Variants in DDX18 observed in about 807,000 individuals in gnomAD.
DDX18 encodes the protein DEAD-box helicase 18.
DDX18 carries 23 observed loss-of-function variants against 73.5 expected under a neutral mutation model. The ratio of observed to expected loss-of-function variants is 0.31; its 90% confidence interval spans 0.23 to 0.44. DDX18 has a LOEUF of 0.44. Among genes scored for constraint, DDX18 ranks in the 20% least tolerant of loss-of-function variants. The pLI is 1.00. For missense variants in DDX18, 753 were observed against 792.9 expected (o/e 0.95, Z 0.60); for synonymous variants, 268 against 282.7 (o/e 0.95, Z 0.52).
In DDX18 at chr2:117,830,531, G is replaced by C. The variant is rs997163391; in HGVS notation, c.1871-51G>C. ...GGTTTTTTTCTCTGTGTAGATGTTA[G>C]ATTGGAGTTCATTATCTTTTTTGCT... On this transcript the variant is annotated intron_variant, in intron 13 of 13. Coordinates refer to ENST00000263239, the MANE Select transcript of DDX18 (RefSeq NM_006773.4). The C allele has an allele frequency of 7.5e-6, 12 of 1,597,590 alleles. No individual in the cohort carries two copies. In the African/African-American group the frequency reaches 1.6e-4, roughly 22 times the overall value.
intron 12 of DDX18, 141 bp downstream of exon 12, chr2:117,829,146 C>T: frequency 3.5e-6 from 4 of 1,134,966 alleles, no homozygotes; most frequent in Non-Finnish European, 5.0e-6. Context: ...TATAAGGTTT[C>T]TTGCTATTCT....
At chr2:117,826,023 T>TCATGTCC in intron 10 of DDX18, 1 of 402,652 alleles carries the variant, frequency 2.5e-6, no homozygotes, top group Non-Finnish European at 4.4e-6. Flanking sequence ...AATGCAAACA[T>TCATGTCC]CATGTCCAGC....
chr2:117,822,698 A>G (rs1679867829), intron 7 of DDX18: 1 of 160,286 alleles, frequency 6.2e-6, no homozygotes, highest in African/African-American at 2.4e-5. Context: ...TTTATAATGT[A>G]CAATTTGATG....
Position 117,822,024 on chromosome 2 carries a change from T to C in DDX18, c.914T>C (p.Ile305Thr), listed in dbSNP as rs770462842. The C allele has an allele frequency of 1.2e-5, 20 of 1,613,852 alleles. No homozygotes were observed. The highest frequency in any genetic ancestry group is 9.9e-5 in the South Asian group (9 of 91,080). The part of the protein sequence containing the change: ...AQKLGNGINI[I>T]VATPGRLLDH... The stretch of plus-strand genomic sequence containing the variant: ...AAACTTGGTAATGGGATCAACATCA[T>C]TGTGGCCACACCAGGCCGTCTGCTG... The change falls in exon 6 of 14, where the codon ATT becomes ACT. Residue 305 changes from isoleucine to threonine, a missense_variant. This residue lies in a region of DDX18 where 6 missense variants were observed against 21.5 expected (regional missense o/e 0.28). Coordinates refer to ENST00000263239, the MANE Select transcript of DDX18 (RefSeq NM_006773.4).
chr2:117,825,301 C>T, intron 9 of DDX18, 146 bp from the exon 10 acceptor site: 2 of 1,210,426 alleles, frequency 1.7e-6, no homozygotes, highest in South Asian at 1.5e-5. Flanking sequence ...CACCATCCTC[C>T]TTGAGGGGCT....
chr2:117,830,979 A>G lies in DDX18; in HGVS notation c.*255A>G, dbSNP rs1680014817. On this transcript the variant is annotated 3_prime_UTR_variant, in exon 14 of 14. Coordinates refer to ENST00000263239, the MANE Select transcript of DDX18 (RefSeq NM_006773.4). ...ATCTGGTGTTTCTTGTGATGATAAT[A>G]TTTTAATTTTAAATATCCCTCCCTC... 4.9e-6 allele frequency: 2 copies of G among 407,994 alleles called. No individual in the cohort carries two copies. Among genetic ancestry groups the G allele is most frequent in the African/African-American group, 2.1e-5 (1 of 47,100 alleles). 25.3% of individuals were successfully genotyped at this position (407,994 alleles called of 1,614,324 possible). A position where few individuals can be genotyped will look rare whatever the true frequency, so the allele number is the denominator to read the frequency against.
At chr2:117,829,230 T>G (rs1679981092) in intron 12 of DDX18, 59 bp from the exon 13 acceptor site, 1 of 1,503,646 alleles carries the variant, frequency 6.7e-7, no homozygotes, top group Non-Finnish European at 9.0e-7. Context: ...TAAAATCTGG[T>G]GTTTTGGAGG....
In DDX18 at chr2:117,829,456, C is replaced by T. The variant is rs34228045; in HGVS notation, c.1860C>T (p.Phe620=). The T allele has an allele frequency of 6.8e-4, 1,101 of 1,608,920 alleles. 8 individuals carry two copies. In the African/African-American group the frequency reaches 0.012, roughly 18 times the overall value. The change falls in exon 13 of 14, where the codon TTC becomes TTT. Residue 620 remains phenylalanine (F), a synonymous_variant. Coordinates refer to ENST00000263239, the MANE Select transcript of DDX18 (RefSeq NM_006773.4). Reference sequence around the variant, plus strand: ...CATTTGGTTTCAAGGTGCCTCCCTTCGTTGATCTGAGTATCCTTTTCTTTA... The same window carrying T: ...CATTTGGTTTCAAGGTGCCTCCCTTTGTTGATCTGAGTATCCTTTTCTTTA... ...ALSFGFKVPP[F]VDLNVNSNEG... is the part of the protein sequence containing the mutation.
intron 3 of DDX18, 84 bp downstream of exon 3, chr2:117,819,876 A>G: frequency 7.7e-7 from 1 of 1,294,934 alleles, no homozygotes; most frequent in South Asian, 2.7e-5. Context: ...TTCAGTTGTG[A>G]CTTTCAGTTT....
rs1451876668 is a variant in DDX18, at chr2:117,826,331, C to T, written c.1584C>T (p.Leu528=). The T allele has an allele frequency of 1.9e-6, 3 of 1,614,086 alleles. No homozygotes were observed. The highest frequency in any genetic ancestry group is 1.7e-6 in the Non-Finnish European group (2 of 1,180,010). The change falls in exon 11 of 14, where the codon CTC becomes CTT. Residue 528 remains leucine, a synonymous_variant. Transcript: ENST00000263239. The part of the protein sequence containing the change: ...RGLNGRGHAL[L]ILRPEELGFL... ...TAAATGGGAGAGGGCATGCCTTGCT[C>T]ATTTTGCGCCCAGAAGAATTGGGTT...
At chr2:117,828,773 A>G in intron 11 of DDX18, 176 bp from the exon 12 acceptor site, 4 of 587,302 alleles carry the variant, frequency 6.8e-6, no homozygotes, top group Non-Finnish European at 1.2e-5. Context: ...CAGATTGCCT[A>G]ACTCAGCAGA....
intron 2 of DDX18, among the ~76,000 whole-genome samples, chr2:117,818,528 T>C (rs1245450724): frequency 6.6e-6 from 1 of 152,242 alleles, no homozygotes; most frequent in East Asian, 1.9e-4. Flanking sequence ...ACTGTCTTCA[T>C]GATGCCTACA....
Position 117,830,920 on chromosome 2 carries a change from A to G in DDX18, c.*196A>G. 1 of 621,268 alleles carries G rather than the reference A, an allele frequency of 1.6e-6. No individual in the cohort carries two copies. The highest frequency in any genetic ancestry group is 2.4e-5 in the South Asian group (1 of 41,476). The allele number at this position is 621,268 out of a possible 1,614,324, so 38.5% of individuals were successfully genotyped here. ...TTTCTGGGATATAAAACAGGCTTTAAGTTTCTTGGTTGCCCAAGGGCAGAG... is the reference window on the plus strand; with the variant it reads ...TTTCTGGGATATAAAACAGGCTTTAGGTTTCTTGGTTGCCCAAGGGCAGAG... On this transcript the variant is annotated 3_prime_UTR_variant, in exon 14 of 14. Coordinates refer to ENST00000263239, the MANE Select transcript of DDX18 (RefSeq NM_006773.4).
chr2:117,827,580 A>G (rs1450197434), intron 11 of DDX18: 1 of 145,956 alleles, frequency 6.9e-6, no homozygotes, highest in East Asian at 2.0e-4. Context: ...GAGTGAGAAC[A>G]TGCGGTGTTT....
rs1056975867 is a variant in DDX18 at position 117,831,599 on chromosome 2, C to T, written c.*875C>T. 3 of 152,150 alleles carry T rather than the reference C, an allele frequency of 2.0e-5. No individual in the cohort carries two copies. Among genetic ancestry groups the T allele is most frequent in the Non-Finnish European group, 2.9e-5 (2 of 68,034 alleles). The allele number at this position is 152,150 out of a possible 1,614,324, so 9.4% of individuals were successfully genotyped here. A position where few individuals can be genotyped will look rare whatever the true frequency, so the allele number is the denominator to read the frequency against. The stretch of plus-strand genomic sequence containing the variant: ...GTAAGCCTTTGCACTCTGTAGAGTA[C>T]TTAGAAGACAAGGGCAACTTACTTG... On this transcript the variant is annotated 3_prime_UTR_variant, in exon 14 of 14. Coordinates refer to ENST00000263239, the MANE Select transcript of DDX18 (RefSeq NM_006773.4).
At position 117,831,345 on chromosome 2, in the gene DDX18, T is replaced by A. The variant is rs573544882; in HGVS notation, c.*621T>A. On this transcript the variant is annotated 3_prime_UTR_variant, in exon 14 of 14. Transcript: ENST00000263239. ...GGCCTTTCTCAGGTGTTGCATTTTT[T>A]GGAGCAAAAACTATGGGTTGTAATT... is the stretch of plus-strand genomic sequence containing the variant. 1.3e-5 allele frequency: 2 copies of A among 152,336 alleles called. No individual in the cohort carries two copies. The highest frequency in any genetic ancestry group is 4.8e-5 in the African/African-American group (2 of 41,568). The allele number at this position is 152,336 out of a possible 1,614,324, so 9.4% of individuals were successfully genotyped here.
intron 11 of DDX18, chr2:117,826,790 A>G (rs923806241): frequency 5.6e-6 from 1 of 178,378 alleles, no homozygotes; most frequent in Non-Finnish European, 1.2e-5. Context: ...TCTGTCTCCT[A>G]TTCATCAACT....
At position 117,831,765 on chromosome 2, in the gene DDX18, A is replaced by C. The variant is rs1295806656; in HGVS notation, c.*1041A>C. 1 of 152,218 alleles carries C rather than the reference A, an allele frequency of 6.6e-6. No homozygotes were observed. Among genetic ancestry groups the C allele is most frequent in the Non-Finnish European group, 1.5e-5 (1 of 68,038 alleles). The allele number at this position is 152,218 out of a possible 1,614,324, so 9.4% of individuals were successfully genotyped here. On this transcript the variant is annotated 3_prime_UTR_variant, in exon 14 of 14. Transcript: ENST00000263239. The stretch of plus-strand genomic sequence containing the variant: ...AAAATGAACAAAGTTAGAAAAAAAA[A>C]CAGCAAAATCAGTGATTTAGTCAGA...
At chr2:117,828,613 C>G (rs903241477) in intron 11 of DDX18, 1 of 218,760 alleles carries the variant, frequency 4.6e-6, no homozygotes, top group Non-Finnish European at 9.1e-6. Flanking sequence ...CCTCTTCTGA[C>G]ATGGAGAAAA....
Sources: allele counts gnomAD v4.1 joint callset (sites outside exome capture counted in the v4.1 genomes callset), GRCh38; gene constraint gnomAD v4.1.1; regional missense constraint gnomAD v4.1.1; transcripts MANE v1.5; gene names NCBI Gene and HGNC (gene_info 2026-07-23, HGNC 2026-07-21).